Variants in AGMO observed in about 807,000 individuals in gnomAD.
The protein encoded by AGMO is glyceryl-ether monooxygenase.
A neutral mutation model predicts 60.2 loss-of-function variants in AGMO; 75 were observed. The ratio of observed to expected loss-of-function variants is 1.25; its 90% CI spans 1.03 to 1.51. The LOEUF (loss-of-function observed/expected upper bound fraction) is 1.51, where lower values mean the gene tolerates loss of function less well. Among genes scored for constraint, AGMO ranks in the 40% most tolerant of loss-of-function variants. The probability of loss-of-function intolerance (pLI) is 0.00; values close to 1 mark genes in which losing one functional copy is unlikely to be tolerated. For synonymous variants in AGMO, 261 were observed against 177.1 expected (o/e 1.47, Z -3.76); for missense variants, 763 against 525.5 (o/e 1.45, Z -4.42).
At chr7:15,390,927 ATTT>A (rs748945578) in intron 6 of AGMO, 22 bp from the exon 7 acceptor site, 3 of 1,487,866 alleles carry the variant, frequency 2.0e-6, no homozygotes, top group Admixed American at 3.9e-5. Flanking sequence ...AATATTAGAA[ATTT>A]TTTTTCAGAA....
At chr7:15,547,223 C>A (rs978701378) in intron 2 of AGMO, among the ~76,000 whole-genome samples, 1 of 152,164 alleles carries the variant, frequency 6.6e-6, no homozygotes, top group Admixed American at 6.5e-5. Context: ...TCTCCAGATA[C>A]TTCCAAGTGT....
intron 12 of AGMO, among the ~76,000 whole-genome samples, chr7:15,281,137 G>A (rs746061816): frequency 6.6e-6 from 1 of 152,096 alleles, no homozygotes; most frequent in Non-Finnish European, 1.5e-5. Flanking sequence ...GGCAGGACTT[G>A]AGTCCCAGAA....
At chr7:15,537,903 T>C (rs1406302525) in intron 3 of AGMO, among the ~76,000 whole-genome samples, 1 of 152,020 alleles carries the variant, frequency 6.6e-6, no homozygotes, top group Non-Finnish European at 1.5e-5. Flanking sequence ...TGGTGACCTT[T>C]CCAGTTCATA....
chr7:15,189,319 T>A, the AGMO span, among the ~76,000 whole-genome samples: 5 of 152,092 alleles, frequency 3.3e-5, no homozygotes, highest in Admixed American at 6.6e-5. Context: ...AGATTCTAAC[T>A]GATTTTAAGT....
chr7:15,264,567 G>A (rs1007814412), intron 12 of AGMO, among the ~76,000 whole-genome samples: 1 of 151,620 alleles, frequency 6.6e-6, no homozygotes, highest in Non-Finnish European at 1.5e-5. Flanking sequence ...AATCTACAAG[G>A]AACTTAAACA....
chr7:15,304,677 A>G (rs766105828), intron 12 of AGMO, among the ~76,000 whole-genome samples: 1 of 152,090 alleles, frequency 6.6e-6, no homozygotes, highest in Non-Finnish European at 1.5e-5. Flanking sequence ...ATGATTTGTC[A>G]ACAGTCCAAT....
downstream of AGMO, among the ~76,000 whole-genome samples, chr7:15,199,424 C>T (rs1781217384): frequency 6.6e-6 from 1 of 152,116 alleles, no homozygotes; most frequent in African/African-American, 2.4e-5. Context: ...TATTATTAAA[C>T]TCATTTTTAG....
In AGMO at chr7:15,232,801, G is replaced by GCACACACACACACACA. The variant is rs71004371; in HGVS notation, c.1264-31458_1264-31443dup. ...TTAAACATGGAAACCACACACACAC[G>GCACACACACACACACA]CACACACACACACACACACACACAC... On this transcript the variant is annotated intron_variant, in intron 12 of 12. Coordinates refer to ENST00000342526, the MANE Select transcript of AGMO (RefSeq NM_001004320.2). Among the ~76,000 whole-genome samples the GCACACACACACACACA allele has an allele frequency of 3.9e-3, 579 of 147,108 alleles. 9 individuals carry two copies. Among genetic ancestry groups the GCACACACACACACACA allele is most frequent in the East Asian group, 0.035 (170 of 4,854 alleles).
chr7:15,349,879 A>C lies in AGMO; in HGVS notation c.1263+15635T>G, dbSNP rs544062223. Among the ~76,000 whole-genome samples, 3 of 152,264 alleles carry C rather than the reference A, an allele frequency of 2.0e-5. No individual in the cohort carries two copies. In the South Asian group the frequency reaches 6.2e-4, roughly 32 times the overall value. ...TGGGAGTAACCTCCCCCAGTGATTG[A>C]ATTACCTCTTACTGGGTCCCCTCCT... is the stretch of plus-strand genomic sequence containing the variant. On this transcript the variant is annotated intron_variant, in intron 12 of 12. Transcript: ENST00000342526.
At chr7:15,169,618 G>A in the AGMO span, among the ~76,000 whole-genome samples, 2,009 of 152,040 alleles carry the variant, frequency 0.013, 36 homozygotes, top group African/African-American at 0.046. Context: ...TGTAATTTTA[G>A]TAGAGATGGG....
At chr7:15,498,789 C>G (rs79832133) in intron 3 of AGMO, among the ~76,000 whole-genome samples, 1 of 151,902 alleles carries the variant, frequency 6.6e-6, no homozygotes, top group Non-Finnish European at 1.5e-5. Flanking sequence ...GTTTTCAGAA[C>G]ATAAATGAGA....
intron 12 of AGMO, among the ~76,000 whole-genome samples, chr7:15,262,924 C>T (rs187001033): frequency 3.4e-4 from 51 of 151,974 alleles, no homozygotes; most frequent in African/African-American, 1.2e-3. Context: ...TTACAAAACT[C>T]AACCCAAGAT....
At chr7:15,247,449 C>CAGAGAGAG (rs748208299) in intron 12 of AGMO, among the ~76,000 whole-genome samples, 22 of 116,420 alleles carry the variant, frequency 1.9e-4, no homozygotes, top group Non-Finnish European at 3.1e-4. Context: ...CACACACACA[C>CAGAGAGAG]ACACACACAC....
chr7:15,118,280 C>A, the AGMO span, among the ~76,000 whole-genome samples: 1 of 151,624 alleles, frequency 6.6e-6, no homozygotes, highest in Non-Finnish European at 1.5e-5. Context: ...ATTCTATAGT[C>A]TGAACTCATT....
intron 3 of AGMO, among the ~76,000 whole-genome samples, chr7:15,524,260 C>T (rs1784069159): frequency 6.6e-6 from 1 of 151,836 alleles, no homozygotes. Context: ...TATTCTATCT[C>T]TGTCCACTAG....
At chr7:15,362,404 C>T (rs1284076433) in intron 12 of AGMO, among the ~76,000 whole-genome samples, 11 of 152,104 alleles carry the variant, frequency 7.2e-5, no homozygotes, top group Non-Finnish European at 1.5e-4. Context: ...AAGACTTGCT[C>T]AAGTTTAATC....
chr7:15,558,567 A>G (rs1480621108), intron 2 of AGMO, among the ~76,000 whole-genome samples: 1 of 152,098 alleles, frequency 6.6e-6, no homozygotes, highest in African/African-American at 2.4e-5. Context: ...ATTATCTATA[A>G]TTGTAAATTC....
At chr7:15,354,392 ATACACGTGTGTG>A (rs1782396670) in intron 12 of AGMO, among the ~76,000 whole-genome samples, 3 of 53,016 alleles carry the variant, frequency 5.7e-5, no homozygotes, top group Admixed American at 3.4e-4. Context: ...ACGTGTGTGT[ATACACGTGTGTG>A]TACACACGTG....
At chr7:15,345,155 T>C (rs543181661) in intron 12 of AGMO, among the ~76,000 whole-genome samples, 1 of 152,322 alleles carries the variant, frequency 6.6e-6, no homozygotes, top group South Asian at 2.1e-4. Flanking sequence ...AATTCTTCAA[T>C]TGCATCAGTA....
Sources: allele counts gnomAD v4.1 joint callset (sites outside exome capture counted in the v4.1 genomes callset), GRCh38; gene constraint gnomAD v4.1.1; transcripts MANE v1.5; gene names NCBI Gene and HGNC (gene_info 2026-07-23, HGNC 2026-07-21).